The following CPQ variants were observed in gnomAD, a reference collection of about 807,000 sequenced individuals.
CPQ encodes the protein carboxypeptidase Q.
A neutral mutation model predicts 45.7 loss-of-function variants in CPQ; 37 were observed. The ratio of observed to expected loss-of-function variants is 0.81; its 90% CI spans 0.62 to 1.07. CPQ has a LOEUF of 1.07. Among genes scored for constraint, CPQ ranks in the 50% least tolerant of loss-of-function variants. The probability of loss-of-function intolerance (pLI) is 0.00; values close to 1 mark genes in which losing one functional copy is unlikely to be tolerated. For missense variants in CPQ, 537 were observed against 572.9 expected (o/e 0.94, Z 0.64); for synonymous variants, 186 against 205.8 (o/e 0.90, Z 0.82).
chr8:97,064,115 C>G (rs971004124), intron 6 of CPQ, among the ~76,000 whole-genome samples: 1 of 152,266 alleles, frequency 6.6e-6, no homozygotes, highest in Non-Finnish European at 1.5e-5. Flanking sequence ...TTAACCTACA[C>G]AGTACATGAC....
At position 97,081,635 on chromosome 8, in the gene CPQ, C is replaced by T. The variant is rs1410568907; in HGVS notation, c.1255+15425C>T. On this transcript the variant is annotated intron_variant, in intron 7 of 7. Transcript: ENST00000220763. Reference sequence around the variant, plus strand: ...TCCAACTTCCTGGAGCACAACTCCACTGTTTTCCATGTGAATAGCACCCCT... The same window carrying T: ...TCCAACTTCCTGGAGCACAACTCCATTGTTTTCCATGTGAATAGCACCCCT... Among the ~76,000 whole-genome samples the T allele has an allele frequency of 3.3e-5, 5 of 152,308 alleles. No homozygotes were observed. In the South Asian group the frequency reaches 1.0e-3, roughly 32 times the overall value.
chr8:96,972,553 ACCT>A lies in CPQ; in HGVS notation c.961+6511_961+6513del, dbSNP rs932735644. Among the ~76,000 whole-genome samples, 79 of 152,228 alleles carry A rather than the reference ACCT, an allele frequency of 5.2e-4. 1 individual carries two copies. Among genetic ancestry groups the A allele is most frequent in the African/African-American group, 1.9e-3 (79 of 41,562 alleles). ...CAGCTGATACACTCTTGTCAGTGCC[ACCT>A]CCTGGCTGGAGGCCAACCAACACAA... On this transcript the variant is annotated intron_variant, in intron 5 of 7. Coordinates refer to ENST00000220763, the MANE Select transcript of CPQ (RefSeq NM_016134.4).
chr8:96,900,108 G>A (rs758241523), intron 4 of CPQ, among the ~76,000 whole-genome samples: 35 of 152,292 alleles, frequency 2.3e-4, no homozygotes, highest in South Asian at 4.1e-4. Context: ...TTACAGTTGA[G>A]AAAAGGGGGC....
At chr8:96,769,216 A>G (rs933333630) in intron 1 of CPQ, among the ~76,000 whole-genome samples, 3 of 152,074 alleles carry the variant, frequency 2.0e-5, no homozygotes, top group African/African-American at 7.2e-5. Context: ...TTCCTATTAC[A>G]CTTATAGGGG....
chr8:97,139,815 C>T (rs1401494604), intron 7 of CPQ, among the ~76,000 whole-genome samples: 2 of 151,654 alleles, frequency 1.3e-5, no homozygotes, highest in Non-Finnish European at 1.5e-5. Context: ...GAGTGTTTAA[C>T]TCCAAAAATT....
At chr8:96,837,421 A>G (rs1457221135) in intron 3 of CPQ, among the ~76,000 whole-genome samples, 5 of 152,156 alleles carry the variant, frequency 3.3e-5, no homozygotes, top group Admixed American at 3.3e-4. Context: ...CTTCACTTTT[A>G]TGAAGCACTT....
At chr8:96,951,663 T>G (rs756803596) in intron 4 of CPQ, among the ~76,000 whole-genome samples, 7 of 152,122 alleles carry the variant, frequency 4.6e-5, no homozygotes, top group Non-Finnish European at 1.0e-4. Flanking sequence ...TTCATGCTGT[T>G]TTAACTTAGG....
chr8:96,663,062 C>A (rs932245555), intron 1 of CPQ, among the ~76,000 whole-genome samples: 1 of 152,174 alleles, frequency 6.6e-6, no homozygotes, highest in Non-Finnish European at 1.5e-5. Flanking sequence ...TTTTTCCAAA[C>A]CCATTTCTGA....
At chr8:96,898,598 G>A (rs1347495390) in intron 4 of CPQ, among the ~76,000 whole-genome samples, 1 of 146,080 alleles carries the variant, frequency 6.8e-6, no homozygotes, top group Non-Finnish European at 1.5e-5. Context: ...GACACAGGAA[G>A]GGGAATATCA....
intron 7 of CPQ, among the ~76,000 whole-genome samples, chr8:97,091,558 C>A (rs978319292): frequency 2.0e-5 from 3 of 152,082 alleles, no homozygotes; most frequent in African/African-American, 4.8e-5. Context: ...AGTTTTAGGG[C>A]AGTATGATTT....
chr8:96,986,041 C>T lies in CPQ; in HGVS notation c.961+19995C>T, dbSNP rs192850822. ...CATTACTGATTGGAGCTCTAGAAAG[C>T]GGGAAGTCATTCTTGCCTACCATCT... is the stretch of plus-strand genomic sequence containing the variant. On this transcript the variant is annotated intron_variant, in intron 5 of 7. Coordinates refer to ENST00000220763, the MANE Select transcript of CPQ (RefSeq NM_016134.4). Among the ~76,000 whole-genome samples the T allele has an allele frequency of 5.1e-4, 77 of 152,264 alleles. 1 individual carries two copies. Among genetic ancestry groups the T allele is most frequent in the African/African-American group, 1.8e-3 (74 of 41,560 alleles).
intron 3 of CPQ, among the ~76,000 whole-genome samples, chr8:96,868,449 G>A (rs1812022239): frequency 6.6e-6 from 1 of 151,726 alleles, no homozygotes; most frequent in Non-Finnish European, 1.5e-5. Flanking sequence ...CTGTTTTCAG[G>A]GTGTTTCTTT....
chr8:96,888,071 G>T (rs1216352569), intron 4 of CPQ, among the ~76,000 whole-genome samples: 1 of 152,140 alleles, frequency 6.6e-6, no homozygotes, highest in Non-Finnish European at 1.5e-5. Flanking sequence ...ATAATTCTTT[G>T]TTGTAGGGGG....
chr8:97,006,352 G>A (rs944954122), intron 5 of CPQ, among the ~76,000 whole-genome samples: 6 of 151,560 alleles, frequency 4.0e-5, no homozygotes, highest in East Asian at 2.0e-4. Flanking sequence ...ATACAAACCC[G>A]ACCCAAAAAA....
intron 3 of CPQ, among the ~76,000 whole-genome samples, chr8:96,878,646 C>T (rs959692506): frequency 6.6e-6 from 1 of 152,044 alleles, no homozygotes; most frequent in African/African-American, 2.4e-5. Flanking sequence ...AATATGGCTA[C>T]AACAATACAG....
chr8:96,882,794 A>G (rs963990765), intron 4 of CPQ, among the ~76,000 whole-genome samples: 2 of 152,192 alleles, frequency 1.3e-5, no homozygotes, highest in African/African-American at 4.8e-5. Context: ...TTGAGGTATA[A>G]CTTATATAAA....
At chr8:96,871,900 A>C (rs1812075211) in intron 3 of CPQ, among the ~76,000 whole-genome samples, 1 of 152,048 alleles carries the variant, frequency 6.6e-6, no homozygotes, top group African/African-American at 2.4e-5. Context: ...AGAACATCTT[A>C]GTACAAATTA....
At chr8:96,760,473 G>A (rs989623961) in intron 1 of CPQ, among the ~76,000 whole-genome samples, 1 of 152,154 alleles carries the variant, frequency 6.6e-6, no homozygotes, top group Non-Finnish European at 1.5e-5. Context: ...CTATGCCTAA[G>A]TAGGAGTGGG....
At chr8:96,948,201 C>T (rs1420132419) in intron 4 of CPQ, among the ~76,000 whole-genome samples, 1 of 152,050 alleles carries the variant, frequency 6.6e-6, no homozygotes, top group African/African-American at 2.4e-5. Flanking sequence ...GTTAATTGGA[C>T]TCTGTAAGCA....
Sources: allele counts gnomAD v4.1 joint callset (sites outside exome capture counted in the v4.1 genomes callset), GRCh38; gene constraint gnomAD v4.1.1; transcripts MANE v1.5; gene names NCBI Gene and HGNC (gene_info 2026-07-23, HGNC 2026-07-21).